FAM222B: variants seen among roughly 807,000 people sequenced by gnomAD.
FAM222B encodes family with sequence similarity 222 member B.
In FAM222B, 12 loss-of-function variants were observed where a neutral mutation model predicts 38.0. The observed-to-expected ratio is 0.32, with a 90% CI of 0.20 to 0.51. FAM222B has a LOEUF of 0.51. FAM222B is among the 20% of genes least tolerant of loss of function. The pLI is 0.97. For missense variants in FAM222B, 716 were observed against 754.2 expected (o/e 0.95, Z 0.59); for synonymous variants, 329 against 317.2 (o/e 1.04, Z -0.40).
At chr17:28,785,618 C>T (rs1298825510) in intron 1 of FAM222B, among the ~76,000 whole-genome samples, 3 of 152,028 alleles carry the variant, frequency 2.0e-5, no homozygotes, top group Non-Finnish European at 4.4e-5. Flanking sequence ...TCACTGCAAC[C>T]TCCGCCTCCC....
chr17:28,798,860 A>G (rs990691736), intron 1 of FAM222B, among the ~76,000 whole-genome samples: 1 of 151,218 alleles, frequency 6.6e-6, no homozygotes, highest in African/African-American at 2.4e-5. Context: ...CTCGTGATCC[A>G]CCCGCCTCGG....
chr17:28,847,548 C>G (rs1383240554), upstream of FAM222B, among the ~76,000 whole-genome samples: 1 of 149,994 alleles, frequency 6.7e-6, no homozygotes, highest in Non-Finnish European at 1.5e-5. Flanking sequence ...GAGCCGAGAT[C>G]GTGCCACTGC....
intron 1 of FAM222B, among the ~76,000 whole-genome samples, chr17:28,838,898 CT>C (rs2038941389): frequency 6.6e-6 from 1 of 151,102 alleles, no homozygotes; most frequent in African/African-American, 2.4e-5. Context: ...CAGAGTGAAA[CT>C]TGGTATCAAA....
chr17:28,772,976 A>G (rs2035710981), intron 1 of FAM222B, among the ~76,000 whole-genome samples: 1 of 152,216 alleles, frequency 6.6e-6, no homozygotes, highest in Admixed American at 6.5e-5. Flanking sequence ...AGAAGTAAAG[A>G]TAAGAGGTGA....
intron 1 of FAM222B, among the ~76,000 whole-genome samples, chr17:28,826,394 T>C (rs557232362): frequency 3.3e-5 from 5 of 152,242 alleles, no homozygotes; most frequent in South Asian, 4.1e-4. Context: ...TAAAAAGCTG[T>C]CTGTTGCTGG....
At chr17:28,847,667 C>T (rs998675086), upstream of FAM222B, among the ~76,000 whole-genome samples, 1 of 152,018 alleles carries the variant, frequency 6.6e-6, no homozygotes, top group South Asian at 2.1e-4. Flanking sequence ...GTAATCCCAG[C>T]GCTTTGGGAG....
chr17:28,810,109 A>G (rs2037684101), intron 1 of FAM222B, among the ~76,000 whole-genome samples: 1 of 151,726 alleles, frequency 6.6e-6, no homozygotes, highest in Non-Finnish European at 1.5e-5. Context: ...CAATTCTCCC[A>G]CCTCAGCCTC....
At chr17:28,775,109 T>G (rs1407318542) in intron 1 of FAM222B, among the ~76,000 whole-genome samples, 1 of 147,874 alleles carries the variant, frequency 6.8e-6, no homozygotes, top group Non-Finnish European at 1.5e-5. Flanking sequence ...CAAGCAATTC[T>G]CCTGCCTCAG....
Position 28,759,181 on chromosome 17 carries a change from T to G in FAM222B, c.778A>C (p.Ser260Arg). ...PLSMAATLQH[S>R]QPPDLSSIVH... The stretch of plus-strand genomic sequence containing the variant: ...ATGCTACTCAGGTCCGGAGGCTGGC[T>G]GTGCTGCAGAGTGGCCGCCATTGAA... The change falls in exon 3 of 3, where the codon AGC (serine) becomes CGC (arginine). Residue 260 changes from serine (S) to arginine (R), a missense_variant. Ser to Arg is a moderately radical substitution (Grantham distance 110, BLOSUM62 -1). Coordinates refer to ENST00000581407, the MANE Select transcript of FAM222B (RefSeq NM_001077498.3). The surrounding 1 kb of genome is among the most constrained non-coding windows in gnomAD (Gnocchi z 4.8). 1.9e-6 allele frequency: 3 copies of G among 1,613,312 alleles called. No homozygotes were observed. The highest frequency in any genetic ancestry group is 2.5e-6 in the Non-Finnish European group (3 of 1,179,650).
At chr17:28,763,165 A>C (rs1340252688) in intron 2 of FAM222B, among the ~76,000 whole-genome samples, 1 of 152,220 alleles carries the variant, frequency 6.6e-6, no homozygotes, top group Non-Finnish European at 1.5e-5. Context: ...AGAAACCTGT[A>C]TTCAAGTACT....
At chr17:28,760,804 G>A (rs949532750) in intron 2 of FAM222B, among the ~76,000 whole-genome samples, 4 of 152,184 alleles carry the variant, frequency 2.6e-5, no homozygotes, top group Non-Finnish European at 5.9e-5. Context: ...TGGGCACCCT[G>A]AACAGTAGAC....
At chr17:28,794,376 T>C (rs12453015) in intron 1 of FAM222B, among the ~76,000 whole-genome samples, 28,626 of 151,752 alleles carry the variant, frequency 0.19, 2,833 homozygotes, top group South Asian at 0.3. Context: ...CGTGCCACCA[T>C]GCCCGGCTAA....
At chr17:28,787,206 G>A (rs2036456436) in intron 1 of FAM222B, among the ~76,000 whole-genome samples, 1 of 152,154 alleles carries the variant, frequency 6.6e-6, no homozygotes, top group African/African-American at 2.4e-5. Flanking sequence ...TTACAGGCGT[G>A]AGCCACCATG....
intron 1 of FAM222B, among the ~76,000 whole-genome samples, chr17:28,823,083 G>A (rs1262736586): frequency 6.6e-6 from 1 of 150,436 alleles, no homozygotes; most frequent in East Asian, 1.9e-4. Flanking sequence ...ATATTCAACT[G>A]GAATACAAAC....
At chr17:28,837,460 T>TA (rs2038885779) in intron 1 of FAM222B, among the ~76,000 whole-genome samples, 1 of 151,708 alleles carries the variant, frequency 6.6e-6, no homozygotes, top group African/African-American at 2.4e-5. Flanking sequence ...AATAAATTTT[T>TA]AAAAAAATTG....
intron 1 of FAM222B, among the ~76,000 whole-genome samples, chr17:28,798,496 G>C (rs1157292606): frequency 4.6e-5 from 7 of 152,142 alleles, no homozygotes; most frequent in East Asian, 1.9e-4. Flanking sequence ...AGAAACTACA[G>C]TTTCTCCATG....
chr17:28,844,089 C>T (rs2039121252), upstream of FAM222B, among the ~76,000 whole-genome samples: 1 of 152,206 alleles, frequency 6.6e-6, no homozygotes, highest in South Asian at 2.1e-4. Flanking sequence ...TGAGGCCCAA[C>T]TGTCAGTCCC....
upstream of FAM222B, among the ~76,000 whole-genome samples, chr17:28,845,445 G>C (rs577246577): frequency 6.6e-6 from 1 of 151,556 alleles, no homozygotes; most frequent in Admixed American, 6.6e-5. Context: ...TGGGCGTGGT[G>C]GTGGGCGCCT....
At chr17:28,789,730 T>C (rs2036581349) in intron 1 of FAM222B, among the ~76,000 whole-genome samples, 1 of 152,194 alleles carries the variant, frequency 6.6e-6, no homozygotes, top group Non-Finnish European at 1.5e-5. Context: ...CCAAGGCTCC[T>C]TGGAGAATTG....
Sources: gnomAD v4.1 joint callset for allele counts (sites outside exome capture counted in the v4.1 genomes callset) on GRCh38, gnomAD v4.1.1 for gene constraint, Gnocchi (gnomAD v3.1) non-coding constraint, MANE v1.5 for transcripts, NCBI Gene and HGNC (gene_info 2026-07-23, HGNC 2026-07-21) for gene names.